The following LSMEM2 variants were observed in gnomAD, a reference collection of about 807,000 sequenced individuals.
LSMEM2 encodes the protein leucine rich single-pass membrane protein 2.
LSMEM2 carries 20 observed loss-of-function variants against 17.3 expected under a neutral mutation model. The observed-to-expected ratio is 1.16, with a 90% CI of 0.81 to 1.68. The LOEUF is 1.68. Among genes scored for constraint, LSMEM2 ranks in the 40% most tolerant of loss-of-function variants. LSMEM2 has a pLI of 0.00. For missense variants in LSMEM2, 207 were observed against 214.3 expected (o/e 0.97, Z 0.21); for synonymous variants, 94 against 97.8 (o/e 0.96, Z 0.23).
chr3:50,287,008 T>C, intron 3 of LSMEM2, 61 bp from the exon 4 acceptor site: 1 of 1,604,660 alleles, frequency 6.2e-7, no homozygotes, highest in Non-Finnish European at 8.5e-7. Context: ...GGTCCTGGGC[T>C]GGGTCTGCAG....
chr3:50,278,250 A>G (rs587674553), upstream of LSMEM2, among the ~76,000 whole-genome samples: 41 of 152,356 alleles, frequency 2.7e-4, no homozygotes, highest in African/African-American at 7.5e-4. Context: ...GGAAGGGCAC[A>G]GGGATCCAAC....
At chr3:50,286,623 G>C (rs587657329) in intron 2 of LSMEM2, 39 bp downstream of exon 2, 2 of 1,611,256 alleles carry the variant, frequency 1.2e-6, no homozygotes, top group South Asian at 1.1e-5. Flanking sequence ...TGCTGGGGGA[G>C]GGGACGAAAG....
chr3:50,282,159 T>C (rs1205199958), intron 1 of LSMEM2, among the ~76,000 whole-genome samples: 2 of 151,424 alleles, frequency 1.3e-5, no homozygotes, highest in African/African-American at 2.4e-5. Context: ...GCCCTAATCT[T>C]TGATTTTTTT....
chr3:50,286,438 C>A lies in LSMEM2; in HGVS notation c.59-33C>A, dbSNP rs182720039. On this transcript the variant is annotated intron_variant, in intron 1 of 3. Coordinates refer to ENST00000316436, the MANE Select transcript of LSMEM2 (RefSeq NM_153215.3). Reference sequence around the variant, plus strand: ...GGTAGAAGGAAGGGGGTTGACCCACCACTGGCTAAATCAGCCTGCGCTGCC... The same window carrying A: ...GGTAGAAGGAAGGGGGTTGACCCACAACTGGCTAAATCAGCCTGCGCTGCC... 776 of 1,560,318 alleles carry A rather than the reference C, an allele frequency of 5.0e-4. 3 individuals carry two copies. The African/African-American group carries it at 5.2e-3, about 10-fold the overall frequency.
intron 1 of LSMEM2, among the ~76,000 whole-genome samples, chr3:50,285,586 G>C (rs1240074321): frequency 1.3e-5 from 2 of 152,146 alleles, no homozygotes; most frequent in Admixed American, 1.3e-4. Flanking sequence ...GGTGCAGTGA[G>C]GCGAGATCAC....
At chr3:50,282,458 C>G (rs587623774) in intron 1 of LSMEM2, among the ~76,000 whole-genome samples, 2 of 152,330 alleles carry the variant, frequency 1.3e-5, no homozygotes, top group South Asian at 4.1e-4. Flanking sequence ...GCAAGGCCAC[C>G]CTTGCTCCTA....
upstream of LSMEM2, chr3:50,279,037 C>T (rs142014748): frequency 7.3e-6 from 11 of 1,515,282 alleles, no homozygotes; most frequent in Admixed American, 5.0e-5. Context: ...CTATTTTAGG[C>T]CAAGGCTGGG....
chr3:50,286,568 C>T lies in LSMEM2; in HGVS notation c.156C>T (p.Ser52=), dbSNP rs782364492. The change falls in exon 2 of 4, where the codon AGC becomes AGT. Residue 52 remains serine (S), a synonymous_variant. Coordinates refer to ENST00000316436, the MANE Select transcript of LSMEM2 (RefSeq NM_153215.3). The part of the protein sequence containing the change: ...EVCLHQVESI[S]DLHSGAGTLR... ...GCCTGCACCAGGTGGAGTCCATCAG[C>T]GACCTACATAGTGGAGGTGAGTGGG... The T allele has an allele frequency of 1.2e-5, 19 of 1,611,940 alleles. No homozygotes were observed. Among genetic ancestry groups the T allele is most frequent in the Admixed American group, 5.0e-5 (3 of 59,638 alleles).
At chr3:50,280,503 C>T (rs1196397336) in intron 1 of LSMEM2, among the ~76,000 whole-genome samples, 1 of 151,650 alleles carries the variant, frequency 6.6e-6, no homozygotes, top group East Asian at 1.9e-4. Context: ...GAAATGTTTA[C>T]TTTCATGCAT....
chr3:50,282,811 G>A (rs587713652), intron 1 of LSMEM2, among the ~76,000 whole-genome samples: 72 of 152,098 alleles, frequency 4.7e-4, no homozygotes, highest in Non-Finnish European at 9.3e-4. Flanking sequence ...TTGAACCCAG[G>A]AGGCAGAAGT....
At chr3:50,284,592 G>A (rs1701473988) in intron 1 of LSMEM2, among the ~76,000 whole-genome samples, 1 of 152,078 alleles carries the variant, frequency 6.6e-6, no homozygotes, top group Non-Finnish European at 1.5e-5. Flanking sequence ...AATTAACTGG[G>A]CATGGTAGTG....
intron 1 of LSMEM2, among the ~76,000 whole-genome samples, chr3:50,279,656 G>A (rs1345653479): frequency 6.6e-6 from 1 of 152,140 alleles, no homozygotes; most frequent in Non-Finnish European, 1.5e-5. Flanking sequence ...CCTTGGCCTG[G>A]TCAGACAGAG....
intron 3 of LSMEM2, 27 bp from the exon 4 acceptor site, chr3:50,287,042 T>C: frequency 2.5e-6 from 4 of 1,612,968 alleles, no homozygotes; most frequent in Non-Finnish European, 3.4e-6. Context: ...GCACATGGTC[T>C]GATGATCCCC....
intron 1 of LSMEM2, among the ~76,000 whole-genome samples, chr3:50,285,642 AAAAC>A (rs140599924): frequency 0.014 from 2,121 of 152,348 alleles, 38 homozygotes; most frequent in African/African-American, 0.047. Flanking sequence ...TCCATCTCAA[AAAAC>A]AAACAAACAA....
chr3:50,284,236 C>T (rs1474746702), intron 1 of LSMEM2, among the ~76,000 whole-genome samples: 6 of 146,598 alleles, frequency 4.1e-5, no homozygotes, highest in East Asian at 2.1e-4. Flanking sequence ...GCGCCACACA[C>T]GTATTAGTCA....
chr3:50,279,906 C>T (rs1473193620), intron 1 of LSMEM2, among the ~76,000 whole-genome samples: 1 of 151,084 alleles, frequency 6.6e-6, no homozygotes, highest in Non-Finnish European at 1.5e-5. Flanking sequence ...GATGGAATCT[C>T]GCTCTGTCAC....
upstream of LSMEM2, among the ~76,000 whole-genome samples, chr3:50,278,248 A>AC (rs1553707309): frequency 6.6e-6 from 1 of 152,240 alleles, no homozygotes; most frequent in Non-Finnish European, 1.5e-5. Flanking sequence ...AAGGAAGGGC[A>AC]CAGGGATCCA....
chr3:50,278,790 T>G (rs1701329328), upstream of LSMEM2, among the ~76,000 whole-genome samples: 1 of 152,128 alleles, frequency 6.6e-6, no homozygotes, highest in East Asian at 1.9e-4. Context: ...ACAGGCTTCC[T>G]TTGTCTGTCT....
rs1474905434 is a variant in LSMEM2 at position 50,286,476 on chromosome 3, G to A, written c.64G>A (p.Val22Met). The change falls in exon 2 of 4, where the codon GTG (valine) becomes ATG (methionine). Residue 22 changes from valine to methionine, a missense_variant. Val to Met is a conservative substitution (Grantham distance 21). Coordinates refer to ENST00000316436, the MANE Select transcript of LSMEM2 (RefSeq NM_153215.3). ...AMPEETQEDS[V>M]APMMPSQRSR... ...AGCCTGCGCTGCCCCTGCAGACTCC[G>A]TGGCGCCAATGATGCCCAGCCAGAG... is the stretch of plus-strand genomic sequence containing the variant. The A allele has an allele frequency of 1.2e-5, 20 of 1,601,472 alleles. No individual in the cohort carries two copies. The highest frequency in any genetic ancestry group is 9.4e-5 in the African/African-American group (7 of 74,754).
Sources: gnomAD v4.1 joint callset for allele counts (sites outside exome capture counted in the v4.1 genomes callset) on GRCh38, gnomAD v4.1.1 for gene constraint, MANE v1.5 for transcripts, NCBI Gene and HGNC (gene_info 2026-07-23, HGNC 2026-07-21) for gene names.